BAIAP2: variants seen among roughly 807,000 people sequenced by gnomAD.
BAIAP2 encodes the protein BAR/IMD domain-containing adapter protein 2.
In BAIAP2, 18 loss-of-function variants were observed where a neutral mutation model predicts 63.0. The observed-to-expected ratio is 0.29, with a 90% CI of 0.20 to 0.42. BAIAP2 has a LOEUF of 0.42. Ranked by LOEUF, BAIAP2 falls within the 10% of genes least tolerant of loss-of-function variation. BAIAP2 has a pLI of 1.00. For missense variants in BAIAP2, 610 were observed against 734.3 expected (o/e 0.83, Z 1.96); for synonymous variants, 386 against 307.6 (o/e 1.25, Z -2.67).
At position 81,077,648 on chromosome 17, in the gene BAIAP2, C is replaced by T. The variant is rs181373399; in HGVS notation, c.218-7184C>T. ...AAAAAAGAGCCTAATGCTGGGAGGA[C>T]GGATGCTTGGGCTTCCCGCCCGTCC... On this transcript the variant is annotated intron_variant, in intron 3 of 13. Coordinates refer to ENST00000428708, the MANE Select transcript of BAIAP2 (RefSeq NM_001144888.2). 7.3e-3 allele frequency among the ~76,000 whole-genome samples: 1,114 copies of T among 152,132 alleles called. 34 individuals are homozygous for T. Among genetic ancestry groups the T allele is most frequent in the Admixed American group, 0.066 (1,011 of 15,296 alleles).
At position 81,108,470 on chromosome 17, in the gene BAIAP2, C is replaced by T. The variant is rs2059436567; in HGVS notation, c.1501-5C>T. On this transcript the variant is annotated splice_polypyrimidine_tract_variant and splice_region_variant and intron_variant, in intron 12 of 13. Transcript: ENST00000428708. ...GGCCTGACATGTTTCTGCCTCTGCC[C>T]CCAGGGCCTGGATGACTATGGAGCG... 1 of 1,613,806 alleles carries T rather than the reference C, an allele frequency of 6.2e-7. No individual in the cohort carries two copies. The highest frequency in any genetic ancestry group is 8.5e-7 in the Non-Finnish European group (1 of 1,180,014).
At chr17:81,052,864 C>G in intron 1 of BAIAP2, among the ~76,000 whole-genome samples, 1 of 152,120 alleles carries the variant, frequency 6.6e-6, no homozygotes, top group East Asian at 1.9e-4. Flanking sequence ...CAGGAAAGAT[C>G]AGGATCACAT....
At chr17:81,036,233 A>T (rs1269391705) in intron 1 of BAIAP2, among the ~76,000 whole-genome samples, 2 of 152,066 alleles carry the variant, frequency 1.3e-5, no homozygotes, top group Admixed American at 6.5e-5. Context: ...GCATTTTCTC[A>T]GAGGAGAAAC....
At chr17:81,089,905 C>T (rs535117915) in intron 6 of BAIAP2, among the ~76,000 whole-genome samples, 1 of 152,270 alleles carries the variant, frequency 6.6e-6, no homozygotes, top group South Asian at 2.1e-4. Flanking sequence ...AAGGCCTCTG[C>T]CACCCGGTAC....
At chr17:81,068,465 G>T (rs2051924952) in intron 3 of BAIAP2, among the ~76,000 whole-genome samples, 1 of 152,218 alleles carries the variant, frequency 6.6e-6, no homozygotes, top group Non-Finnish European at 1.5e-5. Context: ...GGTCACGGGT[G>T]TTCTTTTGGC....
chr17:81,063,003 AG>A (rs2050851060), intron 3 of BAIAP2, among the ~76,000 whole-genome samples: 1 of 144,592 alleles, frequency 6.9e-6, no homozygotes, highest in South Asian at 2.2e-4. Context: ...CTGTGGTGGC[AG>A]GTCCTGAGAG....
intron 1 of BAIAP2, chr17:81,036,938 T>A: frequency 6.5e-7 from 1 of 1,535,948 alleles, no homozygotes; most frequent in Non-Finnish European, 8.7e-7. Context: ...AAGCAGGAAC[T>A]TTCGTGGTGA....
chr17:81,091,439 G>A (rs538765805), intron 6 of BAIAP2, among the ~76,000 whole-genome samples: 109 of 152,164 alleles, frequency 7.2e-4, no homozygotes, highest in African/African-American at 2.5e-3. Context: ...GGGGCAGCCC[G>A]GGGGTGTCTA....
At chr17:81,065,838 G>A (rs1373376645) in intron 3 of BAIAP2, among the ~76,000 whole-genome samples, 2 of 152,244 alleles carry the variant, frequency 1.3e-5, no homozygotes, top group African/African-American at 2.4e-5. Context: ...AGAGGGTCAC[G>A]TAGCTGCCCT....
In BAIAP2 at chr17:81,055,574, G is replaced by GTTTTTT. The variant is rs1555657874; in HGVS notation, c.130+1835_130+1840dup. ...CCAGCGAAAGTCTGCAGGGTGTTTT[G>GTTTTTT]TTTTTTTTTGAGACGGAGTCTCACT... On this transcript the variant is annotated intron_variant, in intron 2 of 13. Transcript: ENST00000428708. 5.7e-5 allele frequency among the ~76,000 whole-genome samples: 7 copies of GTTTTTT among 123,406 alleles called. 1 individual carries two copies. The highest frequency in any genetic ancestry group is 4.1e-3 in the Middle Eastern group (1 of 244). The allele number at this position is 123,406 out of a possible 152,430, so 81.0% of individuals were successfully genotyped here. A position where few individuals can be genotyped will look rare whatever the true frequency, so the allele number is the denominator to read the frequency against.
intron 7 of BAIAP2, among the ~76,000 whole-genome samples, chr17:81,102,213 C>A (rs537775167): frequency 6.6e-6 from 1 of 152,064 alleles, no homozygotes; most frequent in African/African-American, 2.4e-5. Flanking sequence ...CAGGGCAGTT[C>A]GTAGTAGCTC....
chr17:81,089,072 T>C (rs560360902), intron 6 of BAIAP2, among the ~76,000 whole-genome samples: 1 of 152,368 alleles, frequency 6.6e-6, no homozygotes, highest in African/African-American at 2.4e-5. Context: ...TGCTCTGCCG[T>C]GGGCCCCGGG....
intron 3 of BAIAP2, among the ~76,000 whole-genome samples, chr17:81,078,157 A>G (rs952048682): frequency 0.04 from 2,767 of 69,318 alleles, 5 homozygotes; most frequent in Middle Eastern, 0.22. Context: ...TCGGAGCTGG[A>G]TGCTGTGGGT....
intron 1 of BAIAP2, among the ~76,000 whole-genome samples, chr17:81,049,551 C>G (rs2048344860): frequency 6.6e-6 from 1 of 152,258 alleles, no homozygotes; most frequent in African/African-American, 2.4e-5. Flanking sequence ...TCCCCATCCC[C>G]TGCCCCAGCA....
rs758411223 is a variant in BAIAP2 at position 81,057,912 on chromosome 17, C to T, written c.162C>T (p.Asp54=). The part of the protein sequence containing the change: ...GVTYAAKGYF[D]ALVKMGELAS... ...CGTATGCAGCCAAAGGCTACTTTGA[C>T]GCCCTGGTGAAGATGGGGGAGCTGG... Residue 54 remains aspartate, a synonymous_variant, in exon 3 of 14, where the codon GAC becomes GAT. Transcript: ENST00000428708. 58 of 1,605,024 alleles carry T rather than the reference C, an allele frequency of 3.6e-5. No individual in the cohort carries two copies. Among genetic ancestry groups the T allele is most frequent in the East Asian group, 2.0e-4 (9 of 44,454 alleles).
chr17:81,082,589 C>G (rs1177557903), intron 3 of BAIAP2, among the ~76,000 whole-genome samples: 2 of 152,232 alleles, frequency 1.3e-5, no homozygotes, highest in Non-Finnish European at 2.9e-5. Flanking sequence ...TTTAGCGGGA[C>G]ACGTGTCACA....
chr17:81,051,392 TG>T (rs1343385943), intron 1 of BAIAP2, among the ~76,000 whole-genome samples: 2 of 152,250 alleles, frequency 1.3e-5, no homozygotes, highest in African/African-American at 2.4e-5. Flanking sequence ...TTGTTTGTTT[TG>T]TTTTTTTGTA....
At chr17:81,108,442 C>T in intron 12 of BAIAP2, 33 bp from the exon 13 acceptor site, 1 of 1,613,362 alleles carries the variant, frequency 6.2e-7, no homozygotes, top group Non-Finnish European at 8.5e-7. Flanking sequence ...GGCCCCGTCA[C>T]CCGGCCTGAC....
At chr17:81,105,303 G>A (rs1232505773) in intron 10 of BAIAP2, 1 of 157,678 alleles carries the variant, frequency 6.3e-6, no homozygotes, top group Non-Finnish European at 1.4e-5. Context: ...GATTGCCGCA[G>A]GGTGTGGCAT....
Sources: allele counts gnomAD v4.1 joint callset (sites outside exome capture counted in the v4.1 genomes callset), GRCh38; gene constraint gnomAD v4.1.1; transcripts MANE v1.5; gene names NCBI Gene and HGNC (gene_info 2026-07-23, HGNC 2026-07-21).